The following PIK3C2B variants were observed in gnomAD, a reference collection of about 807,000 sequenced individuals.
The protein encoded by PIK3C2B is phosphatidylinositol-4-phosphate 3-kinase catalytic subunit type 2 beta.
A neutral mutation model predicts 184.3 loss-of-function variants in PIK3C2B; 83 were observed. The ratio of observed to expected loss-of-function variants is 0.45; its 90% confidence interval spans 0.38 to 0.54. The LOEUF (loss-of-function observed/expected upper bound fraction) is 0.54, where lower values mean the gene tolerates loss of function less well. PIK3C2B is among the 20% of genes least tolerant of loss of function. The probability of loss-of-function intolerance (pLI) is 0.00; values close to 1 mark genes in which losing one functional copy is unlikely to be tolerated. For missense variants in PIK3C2B, 1,736 were observed against 2,113.5 expected (o/e 0.82, Z 3.50); for synonymous variants, 779 against 837.6 (o/e 0.93, Z 1.21).
chr1:204,481,770 G>A (rs1657168695), intron 1 of PIK3C2B, among the ~76,000 whole-genome samples: 1 of 152,096 alleles, frequency 6.6e-6, no homozygotes, highest in Admixed American at 6.5e-5. Flanking sequence ...TCTCCCAAAT[G>A]CCCCCAGGCC....
chr1:204,481,045 C>T (rs918695059), intron 1 of PIK3C2B, among the ~76,000 whole-genome samples: 4 of 151,768 alleles, frequency 2.6e-5, no homozygotes, highest in African/African-American at 4.8e-5. Context: ...CCATGTGTAA[C>T]CCCCAACCCC....
At chr1:204,492,671 T>C (rs769470641) in intron 1 of PIK3C2B, among the ~76,000 whole-genome samples, 20 of 151,100 alleles carry the variant, frequency 1.3e-4, no homozygotes, top group Non-Finnish European at 2.7e-4. Context: ...CCAAAGGAGC[T>C]CCCCCAGAAA....
chr1:204,466,060 G>T (rs750191816), intron 2 of PIK3C2B, among the ~76,000 whole-genome samples: 2 of 152,176 alleles, frequency 1.3e-5, no homozygotes, highest in Admixed American at 6.5e-5. Flanking sequence ...GGTCCCAAAC[G>T]GTCTCCCATC....
Position 204,423,232 on chromosome 1 carries a change from G to A in PIK3C2B, c.*1620C>T, listed in dbSNP as rs1033883580. ...TGGGAGGCCAAGGCAGGCAGATCAC[G>A]AGGTCAAGAGATCGAGACCATCCTG... On this transcript the variant is annotated 3_prime_UTR_variant, in exon 33 of 33. Transcript: ENST00000684373. 3.3e-5 allele frequency: 5 copies of A among 152,176 alleles called. No homozygotes were observed. The East Asian group carries it at 5.8e-4, about 18-fold the overall frequency. 9.4% of individuals were successfully genotyped at this position (152,176 alleles called of 1,614,324 possible).
At chr1:204,477,375 C>T (rs1656789820) in intron 1 of PIK3C2B, among the ~76,000 whole-genome samples, 1 of 152,142 alleles carries the variant, frequency 6.6e-6, no homozygotes, top group Non-Finnish European at 1.5e-5. Flanking sequence ...TGGGTAGAGG[C>T]ACCCCAAAAA....
At chr1:204,460,768 G>T in intron 5 of PIK3C2B, 107 bp from the exon 6 acceptor site, 3 of 736,930 alleles carry the variant, frequency 4.1e-6, no homozygotes, top group South Asian at 1.6e-5. Flanking sequence ...GTTTAGGTAA[G>T]GGGGTAGTAC....
chr1:204,484,240 A>G (rs2103534876), intron 1 of PIK3C2B, among the ~76,000 whole-genome samples: 1 of 152,334 alleles, frequency 6.6e-6, no homozygotes, highest in South Asian at 2.1e-4. Context: ...AGTCCTCACA[A>G]CAATCCTTAA....
intron 1 of PIK3C2B, among the ~76,000 whole-genome samples, chr1:204,472,442 C>T (rs1048351607): frequency 4.0e-5 from 6 of 151,636 alleles, no homozygotes; most frequent in African/African-American, 7.3e-5. Flanking sequence ...GGATTACAGG[C>T]GTGAGCCACC....
chr1:204,442,367 C>A (rs973192754), intron 20 of PIK3C2B, among the ~76,000 whole-genome samples, 159 bp downstream of exon 20: 2 of 152,098 alleles, frequency 1.3e-5, no homozygotes, highest in Admixed American at 1.3e-4. Context: ...TGAGCTGAGA[C>A]CCCTGAGGAA....
At position 204,447,539 on chromosome 1, in the gene PIK3C2B, TG is replaced by T; in HGVS notation, c.2385del (p.Ser796AlafsTer55). The T allele has an allele frequency of 6.2e-7, 1 of 1,608,266 alleles. No homozygotes were observed. The highest frequency in any genetic ancestry group is 8.5e-7 in the Non-Finnish European group (1 of 1,176,986). ...GGGCTGAACTTGTCTCCAGGGGGGC[TG>T]GTGAACTTGATGTCAAAGGCCGAGG... ...FPTSAFDIKF[T>X]SPPGDKFSPR... On this transcript the variant is annotated frameshift_variant, in exon 15 of 33. Transcript: ENST00000684373. LOFTEE classifies it high-confidence loss of function. This position sits in a 1 kb window ranked among gnomAD's most constrained non-coding sequence, Gnocchi z 4.1.
Position 204,472,158 on chromosome 1 carries a change from T to C in PIK3C2B, c.-84-2272A>G, listed in dbSNP as rs557998156. ...ACCCCAGCTGCAACATTAGCAACAC[T>C]GGGGGAACTTTTTTTTTTTTTTTGA... On this transcript the variant is annotated intron_variant, in intron 1 of 32. Coordinates refer to ENST00000684373, the MANE Select transcript of PIK3C2B (RefSeq NM_001377334.1). 9.1e-3 allele frequency among the ~76,000 whole-genome samples: 998 copies of C among 109,994 alleles called. 11 individuals are homozygous for C. The highest frequency in any genetic ancestry group is 0.013 in the Admixed American group (102 of 7,900). 72.2% of individuals were successfully genotyped at this position (109,994 alleles called of 152,430 possible).
At chr1:204,440,597 C>CTTTTTT (rs34256181) in intron 21 of PIK3C2B, among the ~76,000 whole-genome samples, 1 of 123,560 alleles carries the variant, frequency 8.1e-6, no homozygotes, top group Non-Finnish European at 1.6e-5. Flanking sequence ...ACCATCAGGC[C>CTTTTTT]TTTTTTTTTT....
At chr1:204,434,240 A>G (rs1273053500) in intron 24 of PIK3C2B, among the ~76,000 whole-genome samples, 199 bp downstream of exon 24, 1 of 152,248 alleles carries the variant, frequency 6.6e-6, no homozygotes, top group African/African-American at 2.4e-5. Flanking sequence ...AGGGAAGAAC[A>G]GCTGGTCCCC....
intron 12 of PIK3C2B, 145 bp downstream of exon 12, chr1:204,454,524 G>C (rs1490913428): frequency 4.6e-6 from 3 of 654,150 alleles, no homozygotes; most frequent in African/African-American, 3.7e-5. Flanking sequence ...GGAGACTCAA[G>C]AGGTTGAATG....
rs61762603 is a variant in PIK3C2B at position 204,456,941 on chromosome 1, A to T, written c.1747+96T>A. On this transcript the variant is annotated intron_variant, in intron 10 of 32. Transcript: ENST00000684373. The stretch of plus-strand genomic sequence containing the variant: ...ACACACACACCAGCCGAACTCCGAC[A>T]CATAAATCAAGGGGCCCAGGCAGAA... 1.0e-3 allele frequency: 999 copies of T among 988,580 alleles called. 10 individuals are homozygous for T. In the African/African-American group the frequency reaches 0.014, roughly 14 times the overall value. 61.2% of individuals were successfully genotyped at this position (988,580 alleles called of 1,614,324 possible).
chr1:204,439,107 A>C (rs1208176680), intron 22 of PIK3C2B, 36 bp from the exon 23 acceptor site: 1 of 1,606,500 alleles, frequency 6.2e-7, no homozygotes, highest in Non-Finnish European at 8.5e-7. Flanking sequence ...GTTCCAGACC[A>C]GAATGAAGGG....
chr1:204,472,022 A>C (rs907283865), intron 1 of PIK3C2B, among the ~76,000 whole-genome samples: 1 of 152,018 alleles, frequency 6.6e-6, no homozygotes, highest in Non-Finnish European at 1.5e-5. Context: ...CAGTGCTTCC[A>C]CTTACTTCAG....
At chr1:204,444,633 G>C (rs902082154) in intron 16 of PIK3C2B, among the ~76,000 whole-genome samples, 3 of 152,178 alleles carry the variant, frequency 2.0e-5, no homozygotes, top group Non-Finnish European at 2.9e-5. Context: ...AGTCTGCCTT[G>C]AGCCATGGGG....
intron 16 of PIK3C2B, among the ~76,000 whole-genome samples, chr1:204,445,728 T>C (rs1653799407): frequency 6.6e-6 from 1 of 152,038 alleles, no homozygotes; most frequent in African/African-American, 2.4e-5. Context: ...GGTAGGCACA[T>C]GGGTATTCAC....
Sources: allele counts gnomAD v4.1 joint callset (sites outside exome capture counted in the v4.1 genomes callset), GRCh38; gene constraint gnomAD v4.1.1; non-coding constraint Gnocchi (gnomAD v3.1); transcripts MANE v1.5; gene names NCBI Gene and HGNC (gene_info 2026-07-23, HGNC 2026-07-21).